The following STXBP5 variants were observed in gnomAD, a reference collection of about 807,000 sequenced individuals.
STXBP5 encodes syntaxin-binding protein 5.
A neutral mutation model predicts 152.4 loss-of-function variants in STXBP5; 50 were observed. The observed-to-expected ratio is 0.33, with a 90% CI of 0.26 to 0.42. The LOEUF is 0.42. Among genes scored for constraint, STXBP5 ranks in the 10% least tolerant of loss-of-function variants. STXBP5 has a pLI of 1.00. For missense variants in STXBP5, 1,167 were observed against 1,388.6 expected (o/e 0.84, Z 2.54); for synonymous variants, 492 against 494.7 (o/e 0.99, Z 0.07).
chr6:147,349,284 C>G (rs911465519), intron 21 of STXBP5, among the ~76,000 whole-genome samples: 10 of 152,076 alleles, frequency 6.6e-5, no homozygotes, highest in African/African-American at 2.4e-4. Context: ...ACAGGCAAAA[C>G]TGATCTGTAC....
At chr6:147,326,011 T>C (rs1783235610) in intron 17 of STXBP5, among the ~76,000 whole-genome samples, 1 of 152,194 alleles carries the variant, frequency 6.6e-6, no homozygotes, top group Non-Finnish European at 1.5e-5. Context: ...AGACTGTACA[T>C]TGGTTACATG....
intron 9 of STXBP5, among the ~76,000 whole-genome samples, chr6:147,309,335 TCAC>T (rs1782251966): frequency 1.3e-5 from 2 of 152,182 alleles, no homozygotes; most frequent in African/African-American, 4.8e-5. Flanking sequence ...ATAAATAACT[TCAC>T]CACCAATAAA....
intron 4 of STXBP5, among the ~76,000 whole-genome samples, chr6:147,241,397 G>T (rs1778534016): frequency 6.6e-6 from 1 of 152,114 alleles, no homozygotes; most frequent in African/African-American, 2.4e-5. Flanking sequence ...ACAGTATCAT[G>T]TGGAATAGTT....
chr6:147,357,370 G>A (rs961348285), intron 22 of STXBP5, among the ~76,000 whole-genome samples: 3 of 152,012 alleles, frequency 2.0e-5, no homozygotes, highest in African/African-American at 7.2e-5. Flanking sequence ...AAAATTGTGT[G>A]GCTCTATTTA....
At chr6:147,243,761 T>C (rs1778662239) in intron 4 of STXBP5, among the ~76,000 whole-genome samples, 1 of 152,098 alleles carries the variant, frequency 6.6e-6, no homozygotes, top group African/African-American at 2.4e-5. Flanking sequence ...TTTTGAAATA[T>C]ATATAAGTTC....
chr6:147,350,322 C>A (rs1018280587), intron 21 of STXBP5, among the ~76,000 whole-genome samples: 1 of 151,774 alleles, frequency 6.6e-6, no homozygotes, highest in Non-Finnish European at 1.5e-5. Flanking sequence ...TAGTAGAAAT[C>A]CTAAGGAAGA....
chr6:147,309,115 T>C (rs1351542660), intron 9 of STXBP5, among the ~76,000 whole-genome samples: 1 of 152,130 alleles, frequency 6.6e-6, no homozygotes, highest in Non-Finnish European at 1.5e-5. Context: ...ACTAGCACTT[T>C]TAACCATTAG....
intron 27 of STXBP5, among the ~76,000 whole-genome samples, chr6:147,384,378 A>G (rs1424785981): frequency 1.3e-5 from 2 of 152,118 alleles, no homozygotes; most frequent in Non-Finnish European, 2.9e-5. Context: ...GAGGAGTAGC[A>G]TTTTCAACCT....
At chr6:147,248,466 G>A (rs1282288883) in intron 4 of STXBP5, among the ~76,000 whole-genome samples, 1 of 151,864 alleles carries the variant, frequency 6.6e-6, no homozygotes, top group Non-Finnish European at 1.5e-5. Flanking sequence ...TTTTAAAGAA[G>A]ACAAAAGTCA....
At chr6:147,348,033 G>T (rs1444560394) in intron 21 of STXBP5, among the ~76,000 whole-genome samples, 1 of 152,136 alleles carries the variant, frequency 6.6e-6, no homozygotes, top group Admixed American at 6.5e-5. Flanking sequence ...TACAAAAACA[G>T]TTTAAAATTT....
At chr6:147,283,378 C>T (rs73584539) in intron 8 of STXBP5, among the ~76,000 whole-genome samples, 32 of 152,222 alleles carry the variant, frequency 2.1e-4, no homozygotes, top group African/African-American at 7.2e-4. Flanking sequence ...ACCTCAGTTC[C>T]TTATGATTCA....
intron 9 of STXBP5, among the ~76,000 whole-genome samples, chr6:147,305,992 C>T (rs1051270442): frequency 5.8e-4 from 88 of 152,086 alleles, no homozygotes; most frequent in African/African-American, 2.1e-3. Context: ...GCTTAAATCC[C>T]AATTTTTTAA....
intron 25 of STXBP5, among the ~76,000 whole-genome samples, 166 bp downstream of exon 25, chr6:147,364,332 A>T (rs1434234477): frequency 1.3e-5 from 2 of 152,244 alleles, no homozygotes; most frequent in African/African-American, 2.4e-5. Flanking sequence ...GACTCCCATG[A>T]TTAAAAGTAT....
rs1783717287 is a variant in STXBP5, at chr6:147,334,176, T to G, written c.2100T>G (p.Ser700Arg). 1.9e-6 allele frequency: 3 copies of G among 1,613,002 alleles called. No homozygotes were observed. The highest frequency in any genetic ancestry group is 2.5e-6 in the Non-Finnish European group (3 of 1,179,560). Residue 700 changes from serine (S) to arginine (R), a missense_variant, in exon 19 of 28, where the codon AGT becomes AGG. This residue lies in a region of STXBP5 where 833 missense variants were observed against 986.3 expected (regional missense o/e 0.84). Transcript: ENST00000321680. ...QPSGAGLCDI[S>R]EGTVVPEDRC... is the part of the protein sequence containing the mutation. ...TTGTAGCCGGTCTGTGTGATATTAG[T>G]GAAGGGACTGTTGTTCCAGAGGATC...
chr6:147,208,458 T>A (rs1776681853), intron 2 of STXBP5, among the ~76,000 whole-genome samples: 1 of 152,172 alleles, frequency 6.6e-6, no homozygotes, highest in Non-Finnish European at 1.5e-5. Flanking sequence ...AAATTCCGAA[T>A]CTCCACATTT....
chr6:147,314,396 A>T (rs1453468216), intron 13 of STXBP5, 65 bp downstream of exon 13: 2 of 1,459,692 alleles, frequency 1.4e-6, no homozygotes, highest in East Asian at 4.5e-5. Context: ...TTGAGACTAC[A>T]TGAATGTTAA....
At chr6:147,382,697 T>C in intron 26 of STXBP5, 81 bp from the exon 27 acceptor site, 1 of 1,438,740 alleles carries the variant, frequency 7.0e-7, no homozygotes, top group Non-Finnish European at 9.5e-7. Flanking sequence ...AATCCAAAAA[T>C]TGTATTTTAA....
chr6:147,363,660 C>A lies in STXBP5; in HGVS notation c.2871C>A (p.Ile957=), dbSNP rs1785166477. The change falls in exon 24 of 28, where the codon ATC becomes ATA. Residue 957 remains isoleucine (I), a synonymous_variant. Coordinates refer to ENST00000321680, the MANE Select transcript of STXBP5 (RefSeq NM_001127715.4). Reference sequence around the variant, plus strand: ...ATATTGTAGCATTGAGTAACAGTATCTGCCTTGCCTGTTTCTGTGCCAATG... The same window carrying A: ...ATATTGTAGCATTGAGTAACAGTATATGCCTTGCCTGTTTCTGTGCCAATG... ...RGDIVALSNS[I]CLACFCANGH... is the part of the protein sequence containing the mutation. 1 of 1,613,472 alleles carries A rather than the reference C, an allele frequency of 6.2e-7. No individual in the cohort carries two copies. Among genetic ancestry groups the A allele is most frequent in the African/African-American group, 1.3e-5 (1 of 74,882 alleles).
intron 21 of STXBP5, among the ~76,000 whole-genome samples, chr6:147,345,969 AC>A (rs1412163054): frequency 6.6e-6 from 1 of 152,094 alleles, no homozygotes; most frequent in Non-Finnish European, 1.5e-5. Context: ...GCAATGACCC[AC>A]CTTAACAACC....
Sources: allele counts gnomAD v4.1 joint callset (sites outside exome capture counted in the v4.1 genomes callset), GRCh38; gene constraint gnomAD v4.1.1; regional missense constraint gnomAD v4.1.1; transcripts MANE v1.5; gene names NCBI Gene and HGNC (gene_info 2026-07-23, HGNC 2026-07-21).